The following GRIK1 variants were observed in gnomAD, a reference collection of about 807,000 sequenced individuals.
GRIK1 encodes glutamate receptor ionotropic, kainate 1.
In GRIK1, 69 loss-of-function variants were observed where a neutral mutation model predicts 105.7. That is an observed-to-expected ratio of 0.65 (90% CI 0.54 to 0.80). The LOEUF is 0.80. Ranked by LOEUF, GRIK1 falls within the 30% of genes least tolerant of loss-of-function variation. The pLI, the probability that GRIK1 is intolerant of heterozygous loss-of-function variation, is 0.00. For synonymous variants in GRIK1, 438 were observed against 431.3 expected, an observed-to-expected ratio of 1.02 and a Z score of -0.19; for missense variants, 1,109 against 1,167.3, an observed-to-expected ratio of 0.95 and a Z score of 0.73.
intron 1 of GRIK1, among the ~76,000 whole-genome samples, chr21:29,931,748 T>A (rs1318688294): frequency 6.6e-6 from 1 of 152,112 alleles, no homozygotes; most frequent in African/African-American, 2.4e-5. Flanking sequence ...CTAAGCCCTC[T>A]CAGCAGACAG....
intron 16 of GRIK1, chr21:29,553,661 G>C (rs1255525672): frequency 6.2e-6 from 10 of 1,607,676 alleles, no homozygotes; most frequent in African/African-American, 1.3e-5. Flanking sequence ...GGAGTTGGTT[G>C]GATGGGTTTG....
At chr21:29,798,312 C>T (rs1247149796) in intron 1 of GRIK1, among the ~76,000 whole-genome samples, 4 of 152,160 alleles carry the variant, frequency 2.6e-5, no homozygotes, top group Admixed American at 2.6e-4. Flanking sequence ...TTGGTGACCT[C>T]ACTGAAAAAG....
chr21:29,761,423 C>T (rs1036479159), intron 1 of GRIK1: 2 of 152,060 alleles, frequency 1.3e-5, no homozygotes, highest in Non-Finnish European at 2.9e-5. Context: ...CTTTGAGGTA[C>T]TGAAAACAGT....
At chr21:29,680,946 G>A (rs767475325) in intron 3 of GRIK1, among the ~76,000 whole-genome samples, 6 of 152,010 alleles carry the variant, frequency 3.9e-5, no homozygotes, top group South Asian at 2.1e-4. Flanking sequence ...CAGCCTGACC[G>A]ACATAGTGAA....
chr21:29,807,928 G>A (rs1479850603), intron 1 of GRIK1, among the ~76,000 whole-genome samples: 1 of 152,074 alleles, frequency 6.6e-6, no homozygotes, highest in Non-Finnish European at 1.5e-5. Flanking sequence ...ATATGCACTG[G>A]TATACCTGAG....
At chr21:29,714,698 G>C (rs1178229949) in intron 1 of GRIK1, among the ~76,000 whole-genome samples, 1 of 152,286 alleles carries the variant, frequency 6.6e-6, no homozygotes, top group Admixed American at 6.5e-5. Context: ...GTCATTGCAA[G>C]GGCTGGGGAA....
chr21:29,678,212 G>A (rs779898799), intron 3 of GRIK1, among the ~76,000 whole-genome samples: 21 of 152,018 alleles, frequency 1.4e-4, no homozygotes, highest in African/African-American at 5.1e-4. Context: ...AATCTAATAC[G>A]ATTCTTAAGG....
At chr21:29,577,392 C>G (rs377237092) in intron 13 of GRIK1, among the ~76,000 whole-genome samples, 144 of 152,284 alleles carry the variant, frequency 9.5e-4, no homozygotes, top group African/African-American at 3.3e-3. Context: ...TATAATTTAT[C>G]AGTAGCTGAT....
intron 1 of GRIK1, among the ~76,000 whole-genome samples, chr21:29,792,069 C>T (rs1476713417): frequency 6.6e-6 from 1 of 151,878 alleles, no homozygotes; most frequent in Non-Finnish European, 1.5e-5. Flanking sequence ...TGGAGTTTAA[C>T]CCATTTGTAA....
intron 1 of GRIK1, among the ~76,000 whole-genome samples, chr21:29,708,896 C>A (rs769455917): frequency 7.2e-5 from 11 of 152,170 alleles, no homozygotes; most frequent in Non-Finnish European, 1.3e-4. Context: ...CCTCTGCCCA[C>A]ATAATTGATA....
intron 1 of GRIK1, among the ~76,000 whole-genome samples, chr21:29,869,050 C>T (rs551888538): frequency 6.6e-6 from 1 of 152,144 alleles, no homozygotes; most frequent in Non-Finnish European, 1.5e-5. Flanking sequence ...CAGCAAGATC[C>T]CCCAGAAATC....
chr21:29,649,022 A>G (rs1365629517), intron 6 of GRIK1, among the ~76,000 whole-genome samples: 1 of 152,224 alleles, frequency 6.6e-6, no homozygotes, highest in Non-Finnish European at 1.5e-5. Context: ...GTTTGGGGTC[A>G]TAAGTTTGCT....
intron 1 of GRIK1, 145 bp downstream of exon 1, chr21:29,939,238 T>A: frequency 7.0e-6 from 4 of 568,170 alleles, no homozygotes; most frequent in Non-Finnish European, 1.2e-5. Context: ...CCCTTTTTTG[T>A]GTAGCCTCCC....
Position 29,537,897 on chromosome 21 carries a change from A to C in GRIK1, c.2608-13T>G, listed in dbSNP as rs1394041081. Reference sequence around the variant, plus strand: ...ATGACTTTCCTTTCTGATAAAAAAAAAAGAAAAAAAAACAATTTTAAATTG... The same window carrying C: ...ATGACTTTCCTTTCTGATAAAAAAACAAGAAAAAAAAACAATTTTAAATTG... On this transcript the variant is annotated splice_polypyrimidine_tract_variant and intron_variant, in intron 16 of 17. Transcript: ENST00000327783. 1 of 1,144,736 alleles carries C rather than the reference A, an allele frequency of 8.7e-7. No individual in the cohort carries two copies. Among genetic ancestry groups the C allele is most frequent in the South Asian group, 1.3e-5 (1 of 75,560 alleles). 70.9% of individuals were successfully genotyped at this position (1,144,736 alleles called of 1,614,324 possible).
At chr21:29,872,774 T>G (rs894932923) in intron 1 of GRIK1, among the ~76,000 whole-genome samples, 26 of 152,110 alleles carry the variant, frequency 1.7e-4, no homozygotes, top group African/African-American at 6.3e-4. Flanking sequence ...CTCATGAGAC[T>G]TACTCATTAT....
chr21:29,858,961 A>T (rs1388303381), intron 1 of GRIK1, among the ~76,000 whole-genome samples: 1 of 148,732 alleles, frequency 6.7e-6, no homozygotes, highest in Non-Finnish European at 1.5e-5. Flanking sequence ...TTTTTTTTGT[A>T]GAATTTATGT....
At chr21:29,890,501 G>A (rs1417909292) in intron 1 of GRIK1, among the ~76,000 whole-genome samples, 2 of 152,060 alleles carry the variant, frequency 1.3e-5, no homozygotes, top group African/African-American at 4.8e-5. Flanking sequence ...CCCTCAACCA[G>A]CAGAAATCAG....
chr21:29,921,446 A>G (rs1365089389), intron 1 of GRIK1, among the ~76,000 whole-genome samples: 2 of 152,202 alleles, frequency 1.3e-5, no homozygotes, highest in Non-Finnish European at 2.9e-5. Flanking sequence ...TTAAAAAAGT[A>G]TCTTAATCTG....
intron 9 of GRIK1, among the ~76,000 whole-genome samples, chr21:29,594,079 A>G (rs1453777982): frequency 6.6e-6 from 1 of 152,210 alleles, no homozygotes; most frequent in East Asian, 1.9e-4. Flanking sequence ...AAGAGTATCA[A>G]AATATAGTAA....
Sources: allele counts gnomAD v4.1 joint callset (sites outside exome capture counted in the v4.1 genomes callset), GRCh38; gene constraint gnomAD v4.1.1; transcripts MANE v1.5; gene names NCBI Gene and HGNC (gene_info 2026-07-23, HGNC 2026-07-21).